The following TET2 variants were observed in gnomAD, a reference collection of about 807,000 sequenced individuals.
TET2 encodes the protein tet methylcytosine dioxygenase 2, also known as methylcytosine dioxygenase TET2.
Under a neutral mutation model 142.9 loss-of-function variants are expected in TET2, and 299 were observed. That is an observed-to-expected ratio of 2.09 (90% CI 1.90 to 2.30). The LOEUF (loss-of-function observed/expected upper bound fraction) is 2.30. TET2 is among the 30% of genes most tolerant of loss of function. TET2 has a pLI of 0.00. For synonymous variants in TET2, 819 were observed against 849.0 expected (o/e 0.96, Z 0.61); for missense variants, 2,418 against 2,378.0 (o/e 1.02, Z -0.35).
At chr4:105,265,147 A>G (rs1730625154) in intron 8 of TET2, among the ~76,000 whole-genome samples, 1 of 152,216 alleles carries the variant, frequency 6.6e-6, no homozygotes, top group Admixed American at 6.5e-5. Flanking sequence ...TGAAGATGAC[A>G]TTTTAGACAA....
rs560827535 is a variant in TET2, at chr4:105,235,683, C to T, written c.1741C>T (p.Arg581Cys). ...RFHQAESHLK[R>C]NEASLPSILQ... ...TCACCAAGCGGAATCCCATCTAAAACGTAATGAGGCATCACTGCCATCAAT... is the reference window on the plus strand; with the variant it reads ...TCACCAAGCGGAATCCCATCTAAAATGTAATGAGGCATCACTGCCATCAAT... The change falls in exon 3 of 11, where the codon CGT becomes TGT. Residue 581 changes from arginine to cysteine, a missense_variant. Arg to Cys is a radical substitution (Grantham distance 180). Coordinates refer to ENST00000380013, the MANE Select transcript of TET2 (RefSeq NM_001127208.3). 24 of 1,614,158 alleles carry T rather than the reference C, an allele frequency of 1.5e-5. No individual in the cohort carries two copies. Among genetic ancestry groups the T allele is most frequent in the South Asian group, 7.7e-5 (7 of 91,080 alleles).
At chr4:105,239,076 T>TTTTTTGTG (rs1041269173) in intron 3 of TET2, 3 of 233,124 alleles carry the variant, frequency 1.3e-5, no homozygotes, top group African/African-American at 4.5e-5. Context: ...TGTTTTTTGT[T>TTTTTTGTG]TTTTTTTTTT....
At chr4:105,245,225 T>G (rs1342688337) in intron 6 of TET2, among the ~76,000 whole-genome samples, 2 of 152,216 alleles carry the variant, frequency 1.3e-5, no homozygotes, top group East Asian at 3.8e-4. Flanking sequence ...ATCCAAAAAT[T>G]TTATGGTGTG....
At chr4:105,164,048 G>T (rs1014658943) in intron 1 of TET2, among the ~76,000 whole-genome samples, 3 of 152,122 alleles carry the variant, frequency 2.0e-5, no homozygotes, top group Admixed American at 6.5e-5. Context: ...TGTTTACGGT[G>T]AGAACACTTA....
At chr4:105,148,945 G>T (rs755286368) in intron 1 of TET2, among the ~76,000 whole-genome samples, 20 of 152,038 alleles carry the variant, frequency 1.3e-4, no homozygotes, top group Non-Finnish European at 2.6e-4. Flanking sequence ...AATGTAGTTT[G>T]CTTTAATCAT....
chr4:105,270,677 TATATATA>T (rs1730911107), intron 9 of TET2, among the ~76,000 whole-genome samples: 2 of 10,750 alleles, frequency 1.9e-4, no homozygotes, highest in African/African-American at 2.6e-3. Context: ...ATACATGTTA[TATATATA>T]TATATATATA....
chr4:105,146,007 T>A (rs772634032), upstream of TET2: 3 of 151,926 alleles, frequency 2.0e-5, no homozygotes, highest in African/African-American at 7.3e-5. Context: ...TTCTGCTGAA[T>A]GAGATTAAAG....
Position 105,199,025 on chromosome 4 carries a change from G to A in TET2, c.-47+8520G>A, listed in dbSNP as rs547443414. ...AGGTTTTAGCTATTTGGAAACTTTA[G>A]GGATATGTTTAGTGTTCTAATTCCA... On this transcript the variant is annotated intron_variant, in intron 2 of 10. Transcript: ENST00000380013. Among the ~76,000 whole-genome samples the A allele has an allele frequency of 2.6e-5, 4 of 152,248 alleles. No individual in the cohort carries two copies. In the South Asian group the frequency reaches 6.2e-4, roughly 24 times the overall value.
chr4:105,243,615 C>G lies in TET2; in HGVS notation c.3640C>G (p.Arg1214Gly), dbSNP rs761811530. Reference protein sequence around the residue: ...SSEEKLLCLVRERAGHTCEAA... With the variant: ...SSEEKLLCLVGERAGHTCEAA... ...TGAAGAGAAGCTACTGTGTTTGGTG[C>G]GGGAGCGAGCTGGCCACACCTGTGA... The change falls in exon 6 of 11, where the codon CGG becomes GGG. Residue 1214 changes from arginine (R) to glycine (G), a missense_variant. By Grantham distance (125) the Arg-to-Gly change is moderately radical. Coordinates refer to ENST00000380013, the MANE Select transcript of TET2 (RefSeq NM_001127208.3). 1 of 1,551,530 alleles carries G rather than the reference C, an allele frequency of 6.4e-7. No individual in the cohort carries two copies.
intron 6 of TET2, among the ~76,000 whole-genome samples, chr4:105,247,714 CTTTTTTTTTT>C (rs1206510081): frequency 3.1e-5 from 2 of 65,316 alleles, no homozygotes; most frequent in Non-Finnish European, 5.4e-5. Context: ...TTTTTCTTTT[CTTTTTTTTTT>C]TTTTTTTTTT....
chr4:105,149,261 CAAT>C (rs1723185764), intron 1 of TET2, among the ~76,000 whole-genome samples: 1 of 152,092 alleles, frequency 6.6e-6, no homozygotes, highest in Non-Finnish European at 1.5e-5. Flanking sequence ...ATTTTCCACT[CAAT>C]AAATAAGAAT....
At chr4:105,212,735 A>G (rs1018586171) in intron 2 of TET2, among the ~76,000 whole-genome samples, 1 of 152,176 alleles carries the variant, frequency 6.6e-6, no homozygotes, top group Non-Finnish European at 1.5e-5. Context: ...CACGCCTGTA[A>G]TCCCAGCACT....
intron 1 of TET2, among the ~76,000 whole-genome samples, chr4:105,188,594 A>T (rs1725600255): frequency 6.6e-6 from 1 of 152,222 alleles, no homozygotes; most frequent in Admixed American, 6.5e-5. Flanking sequence ...ATGAGGCTAA[A>T]AGTGGAAGTA....
intron 2 of TET2, among the ~76,000 whole-genome samples, chr4:105,214,809 A>G (rs1338987261): frequency 6.6e-6 from 1 of 152,002 alleles, no homozygotes; most frequent in Non-Finnish European, 1.5e-5. Flanking sequence ...CTTTCCTTAT[A>G]CTTCACCCTA....
At chr4:105,225,185 CGTGTGTGT>C (rs79864807) in intron 2 of TET2, among the ~76,000 whole-genome samples, 4 of 147,216 alleles carry the variant, frequency 2.7e-5, no homozygotes, top group Admixed American at 6.8e-5. Flanking sequence ...AGTAAAAAAT[CGTGTGTGT>C]GTGTGTGTGT....
chr4:105,217,608 A>G (rs1275008650), intron 2 of TET2, among the ~76,000 whole-genome samples: 7 of 152,058 alleles, frequency 4.6e-5, no homozygotes, highest in Non-Finnish European at 2.9e-5. Context: ...CAGACATCCT[A>G]TCATCATATT....
chr4:105,232,395 G>A lies in TET2; in HGVS notation c.-46-1502G>A, dbSNP rs138912771. Among the ~76,000 whole-genome samples the A allele has an allele frequency of 1.7e-3, 261 of 152,290 alleles. 2 individuals are homozygous for A. Among genetic ancestry groups the A allele is most frequent in the African/African-American group, 6.1e-3 (255 of 41,558 alleles). On this transcript the variant is annotated intron_variant, in intron 2 of 10. Coordinates refer to ENST00000380013, the MANE Select transcript of TET2 (RefSeq NM_001127208.3). ...GGGTAATATGCCGAATAATGGGATTGCTCGGTCAGATGGCAATTCTAAGTC... is the reference window on the plus strand; with the variant it reads ...GGGTAATATGCCGAATAATGGGATTACTCGGTCAGATGGCAATTCTAAGTC...
At position 105,275,750 on chromosome 4, in the gene TET2, C is replaced by A. The variant is rs927371622; in HGVS notation, c.5240C>A (p.Pro1747Gln). The A allele has an allele frequency of 6.4e-7, 1 of 1,551,610 alleles. No homozygotes were observed. Among genetic ancestry groups the A allele is most frequent in the Non-Finnish European group, 8.7e-7 (1 of 1,146,988 alleles). Residue 1747 changes from proline to glutamine, a missense_variant, in exon 11 of 11, where the codon CCA becomes CAA. Coordinates refer to ENST00000380013, the MANE Select transcript of TET2 (RefSeq NM_001127208.3). ...TSRLPPNLSN[P>Q]NMDYKNGEHH... ...AGATTACCACCCAATCTGAGCAATC[C>A]AAACATGGACTATAAAAATGGTGAA...
chr4:105,253,952 T>C (rs1729997356), intron 6 of TET2, among the ~76,000 whole-genome samples: 1 of 152,226 alleles, frequency 6.6e-6, no homozygotes, highest in Admixed American at 6.5e-5. Flanking sequence ...CTTTAGCTTA[T>C]TAACGAAATG....
Sources: allele counts gnomAD v4.1 joint callset (sites outside exome capture counted in the v4.1 genomes callset), GRCh38; gene constraint gnomAD v4.1.1; transcripts MANE v1.5; gene names NCBI Gene and HGNC (gene_info 2026-07-23, HGNC 2026-07-21).